VSNL1: variants seen among roughly 807,000 people sequenced by gnomAD.
The protein encoded by VSNL1 is visinin like 1.
VSNL1 carries 6 observed loss-of-function variants against 20.4 expected under a neutral mutation model. The observed-to-expected ratio is 0.29, with a 90% confidence interval of 0.16 to 0.58. The LOEUF (loss-of-function observed/expected upper bound fraction) is 0.58. VSNL1 is among the 20% of genes least tolerant of loss of function. VSNL1 has a pLI of 0.90. For synonymous variants in VSNL1, 93 were observed against 86.4 expected (o/e 1.08, Z -0.42); for missense variants, 100 against 234.5 (o/e 0.43, Z 3.75).
chr2:17,617,497 A>G (rs943925520), intron 2 of VSNL1, among the ~76,000 whole-genome samples: 1 of 131,928 alleles, frequency 7.6e-6, no homozygotes, highest in Non-Finnish European at 1.5e-5. Flanking sequence ...CTCTGTCTTA[A>G]AAAAAAAAAA....
At chr2:17,606,897 G>A (rs1427067651) in intron 2 of VSNL1, among the ~76,000 whole-genome samples, 1 of 152,176 alleles carries the variant, frequency 6.6e-6, no homozygotes, top group Non-Finnish European at 1.5e-5. Context: ...TTCTGGAAAA[G>A]GTTTTTCTTT....
chr2:17,612,967 G>A (rs572581640), intron 2 of VSNL1, among the ~76,000 whole-genome samples: 51 of 152,262 alleles, frequency 3.3e-4, no homozygotes, highest in African/African-American at 1.2e-3. Context: ...GTGCAGTGCA[G>A]TGCAGTGAGG....
Position 17,646,002 on chromosome 2 carries a change from A to G in VSNL1, c.163-3408A>G, listed in dbSNP as rs558867047. The stretch of plus-strand genomic sequence containing the variant: ...GCTTCAAACTGACAATATCATGTCC[A>G]TTACTTTTGTTTGCAGCTCCATACA... On this transcript the variant is annotated intron_variant, in intron 2 of 3. Coordinates refer to ENST00000295156, the MANE Select transcript of VSNL1 (RefSeq NM_003385.5). 2.0e-5 allele frequency among the ~76,000 whole-genome samples: 3 copies of G among 152,324 alleles called. No homozygotes were observed. In the South Asian group the frequency reaches 6.2e-4, roughly 32 times the overall value.
chr2:17,639,042 A>G (rs1165434587), intron 2 of VSNL1, among the ~76,000 whole-genome samples: 1 of 152,170 alleles, frequency 6.6e-6, no homozygotes, highest in Non-Finnish European at 1.5e-5. Flanking sequence ...GCAATTCCAA[A>G]TAAGCCCTCC....
chr2:17,617,477 C>T (rs1413983998), intron 2 of VSNL1, among the ~76,000 whole-genome samples: 1 of 151,038 alleles, frequency 6.6e-6, no homozygotes, highest in African/African-American at 2.5e-5. Flanking sequence ...GCCTTGGCAA[C>T]AGAGCAAGAC....
chr2:17,623,206 A>T (rs1665426958), intron 2 of VSNL1, among the ~76,000 whole-genome samples: 2 of 152,242 alleles, frequency 1.3e-5, no homozygotes, highest in South Asian at 4.1e-4. Flanking sequence ...ATATGAATTT[A>T]AAATCATTCT....
intron 2 of VSNL1, among the ~76,000 whole-genome samples, chr2:17,600,698 T>C (rs1453970965): frequency 2.6e-5 from 4 of 152,188 alleles, no homozygotes; most frequent in Non-Finnish European, 5.9e-5. Context: ...GGAATAGACA[T>C]TACATGAAAT....
intron 2 of VSNL1, among the ~76,000 whole-genome samples, chr2:17,646,772 A>G (rs1666007807): frequency 6.6e-6 from 1 of 152,204 alleles, no homozygotes; most frequent in South Asian, 2.1e-4. Flanking sequence ...AGTACGCAAA[A>G]AAAGAAAAAT....
chr2:17,619,110 A>G (rs1415047030), intron 2 of VSNL1, among the ~76,000 whole-genome samples: 1 of 152,208 alleles, frequency 6.6e-6, no homozygotes, highest in East Asian at 1.9e-4. Context: ...AGCTCCTCAC[A>G]AGGTCCAAGA....
chr2:17,644,269 G>A (rs1448028588), intron 2 of VSNL1, among the ~76,000 whole-genome samples: 3 of 152,178 alleles, frequency 2.0e-5, no homozygotes, highest in Non-Finnish European at 2.9e-5. Context: ...CTAACCTTCT[G>A]CCCATCGGCA....
At chr2:17,548,060 TAATCATTCA>T (rs1663441717) in intron 1 of VSNL1, among the ~76,000 whole-genome samples, 1 of 152,136 alleles carries the variant, frequency 6.6e-6, no homozygotes, top group African/African-American at 2.4e-5. Flanking sequence ...ATTTCGCGAC[TAATCATTCA>T]ATGTGTGTCT....
intron 1 of VSNL1, among the ~76,000 whole-genome samples, chr2:17,557,524 A>G (rs62131500): frequency 0.029 from 4,465 of 152,322 alleles, 64 homozygotes; most frequent in Middle Eastern, 0.054. Context: ...AAGTGTAACA[A>G]GGAGACCTAT....
intron 2 of VSNL1, among the ~76,000 whole-genome samples, chr2:17,619,781 A>T (rs1665310831): frequency 2.0e-5 from 3 of 152,060 alleles, no homozygotes; most frequent in Admixed American, 1.3e-4. Context: ...TCATTCACTG[A>T]ATAAAGATTT....
At chr2:17,633,998 G>A (rs1241602628) in intron 2 of VSNL1, among the ~76,000 whole-genome samples, 1 of 152,318 alleles carries the variant, frequency 6.6e-6, no homozygotes, top group Non-Finnish European at 1.5e-5. Context: ...CCAGCTTGGA[G>A]TGTCTGAGGA....
chr2:17,649,883 T>G lies in VSNL1; in HGVS notation c.378+258T>G, dbSNP rs886250293. The stretch of plus-strand genomic sequence containing the variant: ...CTCACTACTGGATCTCCCACGAACC[T>G]GTCTTACTGTGCACACAGGATGTCA... On this transcript the variant is annotated intron_variant, in intron 3 of 3. Coordinates refer to ENST00000295156, the MANE Select transcript of VSNL1 (RefSeq NM_003385.5). This position sits in a 1 kb window ranked among gnomAD's most constrained non-coding sequence, Gnocchi z 6.4. 9.2e-5 allele frequency among the ~76,000 whole-genome samples: 14 copies of G among 152,188 alleles called. No homozygotes were observed. The highest frequency in any genetic ancestry group is 2.9e-4 in the African/African-American group (12 of 41,454).
chr2:17,575,756 C>T (rs202183662), intron 1 of VSNL1, among the ~76,000 whole-genome samples: 9 of 151,914 alleles, frequency 5.9e-5, no homozygotes, highest in Non-Finnish European at 1.0e-4. Context: ...AGGCTGGTCT[C>T]GAACTCCTGA....
intron 1 of VSNL1, among the ~76,000 whole-genome samples, chr2:17,559,018 G>C (rs1325203038): frequency 1.3e-5 from 2 of 151,876 alleles, no homozygotes; most frequent in African/African-American, 2.4e-5. Context: ...GACTTCTCAG[G>C]GACCCAGACT....
chr2:17,638,761 T>A (rs1478086419), intron 2 of VSNL1, among the ~76,000 whole-genome samples: 1 of 152,220 alleles, frequency 6.6e-6, no homozygotes, highest in Non-Finnish European at 1.5e-5. Context: ...TGGTCCTTCT[T>A]GACCGCTGAG....
intron 1 of VSNL1, among the ~76,000 whole-genome samples, chr2:17,568,157 G>A (rs1474294307): frequency 6.6e-6 from 1 of 151,702 alleles, no homozygotes; most frequent in Non-Finnish European, 1.5e-5. Context: ...ATTGAATTAA[G>A]TTTTATTTAT....
Sources: allele counts gnomAD v4.1 joint callset (sites outside exome capture counted in the v4.1 genomes callset), GRCh38; gene constraint gnomAD v4.1.1; non-coding constraint Gnocchi (gnomAD v3.1); transcripts MANE v1.5; gene names NCBI Gene and HGNC (gene_info 2026-07-23, HGNC 2026-07-21).